TASP1: variants seen among roughly 807,000 people sequenced by gnomAD.
TASP1 encodes taspase 1, also known as threonine aspartase 1.
TASP1 carries 16 observed loss-of-function variants against 56.6 expected under a neutral mutation model. The observed-to-expected ratio is 0.28, with a 90% CI of 0.19 to 0.43. TASP1 has a LOEUF of 0.43. TASP1 is among the 20% of genes least tolerant of loss of function. The pLI is 1.00. For missense variants in TASP1, 393 were observed against 511.6 expected (o/e 0.77, Z 2.24); for synonymous variants, 179 against 184.2 (o/e 0.97, Z 0.23).
At chr20:13,454,705 T>C (rs908303310) in intron 11 of TASP1, among the ~76,000 whole-genome samples, 7 of 152,154 alleles carry the variant, frequency 4.6e-5, no homozygotes, top group East Asian at 1.9e-4. Context: ...CTAAGGACAG[T>C]TGTCAGAGAA....
chr20:13,377,755 G>C, the TASP1 span, among the ~76,000 whole-genome samples: 1 of 152,118 alleles, frequency 6.6e-6, no homozygotes, highest in South Asian at 2.1e-4. Context: ...TTCAGAACTT[G>C]TTATTGGCCT....
At chr20:13,236,860 C>T in the TASP1 span, among the ~76,000 whole-genome samples, 8 of 152,336 alleles carry the variant, frequency 5.3e-5, no homozygotes, top group African/African-American at 1.9e-4. Flanking sequence ...TGGTCTTGGG[C>T]AGCTCTGCCC....
At chr20:13,251,497 TG>T in the TASP1 span, among the ~76,000 whole-genome samples, 1 of 151,560 alleles carries the variant, frequency 6.6e-6, no homozygotes, top group Non-Finnish European at 1.5e-5. Context: ...GGCAGAATTC[TG>T]GGGATGGATC....
chr20:13,292,506 C>A, the TASP1 span: 1 of 1,228,292 alleles, frequency 8.1e-7, no homozygotes, highest in Non-Finnish European at 1.2e-6. Context: ...GACTTAGTGC[C>A]TCGGAGATTC....
chr20:13,240,171 G>A, the TASP1 span, among the ~76,000 whole-genome samples: 9 of 152,282 alleles, frequency 5.9e-5, no homozygotes, highest in East Asian at 3.9e-4. Context: ...TTCATATCGC[G>A]TGGCTGTGAT....
chr20:13,327,437 C>T, the TASP1 span, among the ~76,000 whole-genome samples: 1 of 151,776 alleles, frequency 6.6e-6, no homozygotes, highest in Non-Finnish European at 1.5e-5. Flanking sequence ...ACATTCTTCA[C>T]AAATTAGAAA....
the TASP1 span, among the ~76,000 whole-genome samples, chr20:13,232,371 T>G: frequency 6.6e-6 from 1 of 152,246 alleles, no homozygotes; most frequent in Non-Finnish European, 1.5e-5. Flanking sequence ...AGTGTTGGAT[T>G]TCCTAGACTT....
At chr20:13,409,668 AT>A (rs2042033176) in intron 13 of TASP1, among the ~76,000 whole-genome samples, 1 of 151,480 alleles carries the variant, frequency 6.6e-6, no homozygotes, top group Admixed American at 6.6e-5. Context: ...TTATGTTTTT[AT>A]TTTTTTCAAC....
chr20:13,176,170 C>A, the TASP1 span, among the ~76,000 whole-genome samples: 2 of 152,130 alleles, frequency 1.3e-5, no homozygotes, highest in African/African-American at 4.8e-5. Context: ...TTTAACTGTA[C>A]ATAAGATCAG....
the TASP1 span, among the ~76,000 whole-genome samples, chr20:13,191,538 T>C: frequency 6.6e-6 from 1 of 152,124 alleles, no homozygotes; most frequent in South Asian, 2.1e-4. Flanking sequence ...GCTAAAAACG[T>C]TGGTTACATA....
the TASP1 span, among the ~76,000 whole-genome samples, chr20:13,223,356 G>A: frequency 6.6e-6 from 1 of 151,966 alleles, no homozygotes; most frequent in Admixed American, 6.6e-5. Context: ...TGTTTACTAC[G>A]TGCCACCGTT....
At chr20:13,459,202 C>G (rs1884797) in intron 11 of TASP1, among the ~76,000 whole-genome samples, 113,406 of 151,978 alleles carry the variant, frequency 0.75, 43,206 homozygotes, top group African/African-American at 0.91. Flanking sequence ...ATTTATGTTA[C>G]CCACTCACTC....
chr20:13,452,296 T>C (rs2043650500), intron 11 of TASP1, among the ~76,000 whole-genome samples: 1 of 151,966 alleles, frequency 6.6e-6, no homozygotes, highest in Non-Finnish European at 1.5e-5. Context: ...AAATGCAGTA[T>C]CTGCTAAGCA....
chr20:13,105,050 A>G, the TASP1 span, among the ~76,000 whole-genome samples: 1 of 152,166 alleles, frequency 6.6e-6, no homozygotes, highest in African/African-American at 2.4e-5. Flanking sequence ...GCTTGCTGAA[A>G]CGGTAGAATC....
chr20:13,380,467 C>T, the TASP1 span, among the ~76,000 whole-genome samples: 1 of 152,082 alleles, frequency 6.6e-6, no homozygotes, highest in Non-Finnish European at 1.5e-5. Flanking sequence ...CAGAGGGGCA[C>T]CCGCCAGATG....
chr20:13,148,734 A>G, the TASP1 span, among the ~76,000 whole-genome samples: 1 of 152,176 alleles, frequency 6.6e-6, no homozygotes, highest in Admixed American at 6.5e-5. Context: ...TGTTAAAACC[A>G]AAACTTATGC....
intron 7 of TASP1, among the ~76,000 whole-genome samples, chr20:13,563,388 G>A (rs180808433): frequency 4.2e-4 from 63 of 151,634 alleles, no homozygotes; most frequent in African/African-American, 1.4e-3. Flanking sequence ...AAACATTAAC[G>A]AAGAGGAAAC....
At chr20:13,569,626 TC>T (rs1226109258) in intron 6 of TASP1, 40 bp from the exon 7 acceptor site, 1 of 1,531,108 alleles carries the variant, frequency 6.5e-7, no homozygotes, top group Non-Finnish European at 9.0e-7. Context: ...CACAGTGTCA[TC>T]TTCTCCTACA....
At position 13,435,135 on chromosome 20, in the gene TASP1, A is replaced by G. The variant is rs779644013; in HGVS notation, c.1005T>C (p.Ser335=). Residue 335 remains serine, a synonymous_variant, in exon 12 of 14, where the codon AGT becomes AGC. Coordinates refer to ENST00000337743, the MANE Select transcript of TASP1 (RefSeq NM_017714.3). ...TCACTCCGCCAAGCACGCCATCTTCACTGGCAAGGAAAGGTGAACCTAGGC... is the reference window on the plus strand; with the variant it reads ...TCACTCCGCCAAGCACGCCATCTTCGCTGGCAAGGAAAGGTGAACCTAGGC... ...NKFISSPFLA[S]EDGVLGGVIV... The G allele has an allele frequency of 6.2e-7, 1 of 1,606,632 alleles. No homozygotes were observed. The highest frequency in any genetic ancestry group is 8.5e-7 in the Non-Finnish European group (1 of 1,176,260).
Sources: gnomAD v4.1 joint callset for allele counts (sites outside exome capture counted in the v4.1 genomes callset) on GRCh38, gnomAD v4.1.1 for gene constraint, MANE v1.5 for transcripts, NCBI Gene and HGNC (gene_info 2026-07-23, HGNC 2026-07-21) for gene names.